The following DNAJA4 variants were observed in gnomAD, a reference collection of about 807,000 sequenced individuals.
DNAJA4 encodes DnaJ heat shock protein family (Hsp40) member A4, also known as dnaJ homolog subfamily A member 4.
DNAJA4 carries 32 observed loss-of-function variants against 39.7 expected under a neutral mutation model. The ratio of observed to expected loss-of-function variants is 0.81; its 90% confidence interval spans 0.61 to 1.08. The LOEUF (loss-of-function observed/expected upper bound fraction) is 1.08. Among genes scored for constraint, DNAJA4 ranks in the 50% least tolerant of loss-of-function variants. DNAJA4 has a pLI of 0.00. For missense variants in DNAJA4, 439 were observed against 505.1 expected (o/e 0.87, Z 1.25); for synonymous variants, 184 against 182.4 (o/e 1.01, Z -0.07).
At chr15:78,276,803 A>G (rs2141460499) in intron 5 of DNAJA4, among the ~76,000 whole-genome samples, 1 of 152,320 alleles carries the variant, frequency 6.6e-6, no homozygotes, top group South Asian at 2.1e-4. Context: ...GCCTGCCCCC[A>G]GGGCAGTGGC....
chr15:78,264,776 A>T lies in DNAJA4; in HGVS notation c.13A>T (p.Thr5Ser), dbSNP rs771814266. The change falls in exon 1 of 7, where the codon ACC becomes TCC. Residue 5 changes from threonine (T) to serine (S), a missense_variant. Transcript: ENST00000394852. ...CCGCAGACACAAGATGGTGAAGGAG[A>T]CCCAGTACTATGACATCCTGGGCGT... is the stretch of plus-strand genomic sequence containing the variant. MVKE[T>S]QYYDILGVKP... 1 of 1,603,280 alleles carries T rather than the reference A, an allele frequency of 6.2e-7. No homozygotes were observed. Among genetic ancestry groups the T allele is most frequent in the South Asian group, 1.1e-5 (1 of 90,242 alleles).
At chr15:78,266,879 T>C (rs1215762021) in intron 1 of DNAJA4, among the ~76,000 whole-genome samples, 1 of 152,002 alleles carries the variant, frequency 6.6e-6, no homozygotes, top group East Asian at 1.9e-4. Flanking sequence ...CTTTAAAAAA[T>C]TGTGTGTAGG....
At chr15:78,265,950 G>T in intron 1 of DNAJA4, 1 of 585,406 alleles carries the variant, frequency 1.7e-6, no homozygotes, top group East Asian at 2.8e-5. Flanking sequence ...ACTTCAGGAC[G>T]GTTGGCTGAA....
upstream of DNAJA4, chr15:78,264,537 C>A: frequency 8.1e-7 from 1 of 1,230,710 alleles, no homozygotes; most frequent in South Asian, 3.7e-5. Flanking sequence ...CGAATAAAAC[C>A]CGCCGCGGAG....
In DNAJA4 at chr15:78,275,563, G is replaced by A. The variant is rs2049430849; in HGVS notation, c.712G>A (p.Gly238Ser). The change falls in exon 5 of 7, where the codon GGT (glycine) becomes AGT (serine). Residue 238 changes from glycine (G) to serine (S), a missense_variant. Gly to Ser is a moderately conservative substitution (Grantham distance 56). Coordinates refer to ENST00000394852, the MANE Select transcript of DNAJA4 (RefSeq NM_001130182.2). ...AGATCAGGAGCCTGAGCTGGAGCCT[G>A]GTGATGTCATAATTGTGCTTGATCA... ...EGDQEPELEP[G>S]DVIIVLDQKD... The A allele has an allele frequency of 1.2e-6, 2 of 1,614,202 alleles. No homozygotes were observed. Among genetic ancestry groups the A allele is most frequent in the Non-Finnish European group, 1.7e-6 (2 of 1,180,032 alleles).
chr15:78,280,302 T>C lies in DNAJA4; in HGVS notation c.1036T>C (p.Leu346=). ...GGAAAAGCTTCCTCAGCTGGAAGCT[T>C]TACTCCCTCCTCGACAGAAAGTGAG... ...SLEKLPQLEA[L]LPPRQKVRIT... is the part of the protein sequence containing the mutation. Residue 346 remains leucine, a synonymous_variant, in exon 7 of 7, where the codon TTA becomes CTA. Coordinates refer to ENST00000394852, the MANE Select transcript of DNAJA4 (RefSeq NM_001130182.2). The C allele has an allele frequency of 6.2e-7, 1 of 1,614,242 alleles. No homozygotes were observed. Among genetic ancestry groups the C allele is most frequent in the Non-Finnish European group, 8.5e-7 (1 of 1,180,046 alleles).
rs916598083 is a variant in DNAJA4, at chr15:78,279,212, G to A, written c.878-833G>A. ...TTCTACATAGTCCCGTATGGAAGTG[G>A]ACTGCTGAAGAAATTAGTGTTTCCA... On this transcript the variant is annotated intron_variant, in intron 5 of 6. Transcript: ENST00000394852. This position sits in a 1 kb window ranked among gnomAD's most constrained non-coding sequence, Gnocchi z 4.5. The A allele has an allele frequency of 6.6e-6, 1 of 152,132 alleles. No homozygotes were observed. The highest frequency in any genetic ancestry group is 6.5e-5 in the Admixed American group (1 of 15,282). The allele number at this position is 152,132 out of a possible 1,614,324, so 9.4% of individuals were successfully genotyped here.
rs1416693360 is a variant in DNAJA4, at chr15:78,264,639, C to CGGT, written c.-123_-122insTGG. The CGGT allele has an allele frequency of 4.4e-5, 45 of 1,017,264 alleles. No individual in the cohort carries two copies. The highest frequency in any genetic ancestry group is 4.7e-5 in the Non-Finnish European group (40 of 851,756). 63.0% of individuals were successfully genotyped at this position (1,017,264 alleles called of 1,614,324 possible). A position where few individuals can be genotyped will look rare whatever the true frequency, so the allele number is the denominator to read the frequency against. On this transcript the variant is annotated 5_prime_UTR_variant, in exon 1 of 7. Coordinates refer to ENST00000394852, the MANE Select transcript of DNAJA4 (RefSeq NM_001130182.2). ...CGGGAGCTACAAGCGGCGGCGGCGG[C>CGGT]GGCGACCGTGACCGTGACGCGCGAG...
intron 2 of DNAJA4, 53 bp downstream of exon 2, chr15:78,270,730 G>C: frequency 6.4e-7 from 1 of 1,569,304 alleles, no homozygotes; most frequent in Non-Finnish European, 8.7e-7. Context: ...ACAATTATAC[G>C]TGTTGTTGGA....
intron 5 of DNAJA4, among the ~76,000 whole-genome samples, chr15:78,277,368 C>CT (rs2049498264): frequency 6.6e-6 from 1 of 152,148 alleles, no homozygotes; most frequent in South Asian, 2.1e-4. Flanking sequence ...GTTGCCCAGA[C>CT]TTGTGTGTGT....
chr15:78,267,148 GTGTGAGTGTGTA>G lies in DNAJA4; in HGVS notation c.132+2265_132+2276del, dbSNP rs2049149451. On this transcript the variant is annotated intron_variant, in intron 1 of 6. Coordinates refer to ENST00000394852, the MANE Select transcript of DNAJA4 (RefSeq NM_001130182.2). Reference sequence around the variant, plus strand: ...TTTGTGAGTGTGTATGTGAGTGTGTGTGTGAGTGTGTATGTGAGTGTGTGAGTGTGTGAGTGT... The same window carrying G: ...TTTGTGAGTGTGTATGTGAGTGTGTGTGTGAGTGTGTGAGTGTGTGAGTGT... 5.8e-5 allele frequency among the ~76,000 whole-genome samples: 5 copies of G among 85,938 alleles called. No individual in the cohort carries two copies. In the South Asian group the frequency reaches 2.0e-3, roughly 35 times the overall value. The allele number at this position is 85,938 out of a possible 152,430, so 56.4% of individuals were successfully genotyped here.
rs1160871000 is a variant in DNAJA4 at position 78,264,568 on chromosome 15, G to T, written c.-196G>T. 22 of 1,207,994 alleles carry T rather than the reference G, an allele frequency of 1.8e-5. No individual in the cohort carries two copies. Among genetic ancestry groups the T allele is most frequent in the Non-Finnish European group, 2.2e-5 (21 of 972,908 alleles). The allele number at this position is 1,207,994 out of a possible 1,614,324, so 74.8% of individuals were successfully genotyped here. Reference sequence around the variant, plus strand: ...CGGAGGAGCCGGTGGCTCTAGTGCGGTGGAGCCAGGCGTGGAAGTCGGTCC... The same window carrying T: ...CGGAGGAGCCGGTGGCTCTAGTGCGTTGGAGCCAGGCGTGGAAGTCGGTCC... On this transcript the variant is annotated 5_prime_UTR_variant, in exon 1 of 7. Transcript: ENST00000394852.
At chr15:78,266,157 C>A in intron 1 of DNAJA4, 1 of 1,467,486 alleles carries the variant, frequency 6.8e-7, no homozygotes. Context: ...CTGCTCCCTA[C>A]ATTCATTGTG....
At chr15:78,272,254 G>A (rs534572907) in intron 2 of DNAJA4, among the ~76,000 whole-genome samples, 20 of 152,092 alleles carry the variant, frequency 1.3e-4, no homozygotes, top group Admixed American at 4.6e-4. Flanking sequence ...GGAGAATGGC[G>A]TGAACCCAGG....
chr15:78,270,392 T>G (rs1595924022), intron 1 of DNAJA4, 105 bp from the exon 2 acceptor site: 94 of 1,229,600 alleles, frequency 7.6e-5, no homozygotes, highest in East Asian at 1.4e-4. Flanking sequence ...AGTTCAAGGG[T>G]TTGGGGGCAG....
At chr15:78,276,585 A>G (rs1279682257) in intron 5 of DNAJA4, among the ~76,000 whole-genome samples, 1 of 152,246 alleles carries the variant, frequency 6.6e-6, no homozygotes, top group Non-Finnish European at 1.5e-5. Flanking sequence ...GAATAGCACT[A>G]AGGTCAGCTG....
chr15:78,278,981 C>A (rs57665413), intron 5 of DNAJA4, among the ~76,000 whole-genome samples: 1 of 149,570 alleles, frequency 6.7e-6, no homozygotes, highest in Non-Finnish European at 1.5e-5. Context: ...GACTGTATTT[C>A]AAAAAAAAAG....
chr15:78,265,195 G>T (rs572065766), intron 1 of DNAJA4, among the ~76,000 whole-genome samples: 5 of 152,350 alleles, frequency 3.3e-5, no homozygotes, highest in African/African-American at 1.2e-4. Flanking sequence ...CCTGCCGTGC[G>T]CGCCGGACTA....
At chr15:78,278,124 G>A (rs959225136) in intron 5 of DNAJA4, 1 of 455,830 alleles carries the variant, frequency 2.2e-6, no homozygotes, top group Non-Finnish European at 4.4e-6. Context: ...AGTGATTTTG[G>A]AGCCACACAA....
Sources: gnomAD v4.1 joint callset for allele counts (sites outside exome capture counted in the v4.1 genomes callset) on GRCh38, gnomAD v4.1.1 for gene constraint, Gnocchi (gnomAD v3.1) non-coding constraint, MANE v1.5 for transcripts, NCBI Gene and HGNC (gene_info 2026-07-23, HGNC 2026-07-21) for gene names.